Variants in CPTP observed in about 807,000 individuals in gnomAD.
CPTP encodes GLTP domain-containing protein 1.
A neutral mutation model predicts 5.7 loss-of-function variants in CPTP; 5 were observed. The ratio of observed to expected loss-of-function variants is 0.88; its 90% CI spans 0.46 to 1.86. The LOEUF (loss-of-function observed/expected upper bound fraction) is 1.86. Ranked by LOEUF, CPTP falls within the 40% of genes most tolerant of loss-of-function variation. The probability of loss-of-function intolerance (pLI) is 0.01; values close to 1 mark genes in which losing one functional copy is unlikely to be tolerated. For synonymous variants in CPTP, 166 were observed against 142.7 expected (o/e 1.16, Z -1.16); for missense variants, 335 against 306.5 (o/e 1.09, Z -0.69).
rs1643367067 is a variant in CPTP at position 1,328,869 on chromosome 1, C to G, written c.*1106C>G. 1 of 152,294 alleles carries G rather than the reference C, an allele frequency of 6.6e-6. No homozygotes were observed. Among genetic ancestry groups the G allele is most frequent in the Non-Finnish European group, 1.5e-5 (1 of 68,054 alleles). The allele number at this position is 152,294 out of a possible 1,614,324, so 9.4% of individuals were successfully genotyped here. ...CTTCCAACGTTAATAAATCACACAGCCTCCCAGGAGGGAGACGCTGGGGTG... is the reference window on the plus strand; with the variant it reads ...CTTCCAACGTTAATAAATCACACAGGCTCCCAGGAGGGAGACGCTGGGGTG... On this transcript the variant is annotated 3_prime_UTR_variant, in exon 3 of 3. Coordinates refer to ENST00000343938, the MANE Select transcript of CPTP (RefSeq NM_001029885.2).
rs767970546 is a variant in CPTP at position 1,327,516 on chromosome 1, G to A, written c.398G>A (p.Arg133His). The change falls in exon 3 of 3, where the codon CGC (arginine) becomes CAC (histidine). Residue 133 changes from arginine (R) to histidine (H), a missense_variant. Coordinates refer to ENST00000343938, the MANE Select transcript of CPTP (RefSeq NM_001029885.2). ...CTGCGTACCAGCCCCGAGGACGCAC[G>A]CACCTCCGCGCTCTGCGCCGACTCC... is the stretch of plus-strand genomic sequence containing the variant. ...EGLRTSPEDARTSALCADSYN... is the reference protein window; with the variant it reads ...EGLRTSPEDAHTSALCADSYN... 5.7e-6 allele frequency: 9 copies of A among 1,577,590 alleles called. No individual in the cohort carries two copies. Among genetic ancestry groups the A allele is most frequent in the South Asian group, 1.1e-5 (1 of 88,126 alleles).
chr1:1,327,408 G>A lies in CPTP; in HGVS notation c.290G>A (p.Arg97His), dbSNP rs775657160. ...AACCGGCTGGTGGACCTGGAGCGCC[G>A]CTCCCACCACCCGGAGTCTGGCTGC... ...LSNRLVDLER[R>H]SHHPESGCRT... is the part of the protein sequence containing the mutation. Residue 97 changes from arginine to histidine, a missense_variant, in exon 3 of 3, where the codon CGC becomes CAC. By Grantham distance (29) the Arg-to-His change is conservative (BLOSUM62 0). Transcript: ENST00000343938. 25 of 1,591,920 alleles carry A rather than the reference G, an allele frequency of 1.6e-5. No homozygotes were observed. Among genetic ancestry groups the A allele is most frequent in the African/African-American group, 4.0e-5 (3 of 74,728 alleles).
At chr1:1,326,363 G>C (rs1643304056) in intron 1 of CPTP, among the ~76,000 whole-genome samples, 1 of 150,498 alleles carries the variant, frequency 6.6e-6, no homozygotes, top group Non-Finnish European at 1.5e-5. Flanking sequence ...TCTTGTCTAG[G>C]ACTTCAGAAC....
Position 1,328,039 on chromosome 1 carries a change from C to T in CPTP, c.*276C>T, listed in dbSNP as rs924621374. ...TGCGCAGCCAGGCCTCGCCAGGGTG[C>T]GGTGCAGAGCAGAGCAGGCAGGGGT... is the stretch of plus-strand genomic sequence containing the variant. On this transcript the variant is annotated 3_prime_UTR_variant, in exon 3 of 3. Transcript: ENST00000343938. 1.7e-5 allele frequency: 9 copies of T among 528,472 alleles called. No individual in the cohort carries two copies. Among genetic ancestry groups the T allele is most frequent in the Middle Eastern group, 5.0e-4 (1 of 1,984 alleles). The allele number at this position is 528,472 out of a possible 1,614,324, so 32.7% of individuals were successfully genotyped here. A position where few individuals can be genotyped will look rare whatever the true frequency, so the allele number is the denominator to read the frequency against.
Position 1,328,353 on chromosome 1 carries a change from C to G in CPTP, c.*590C>G, listed in dbSNP as rs977993969. The G allele has an allele frequency of 6.4e-6, 1 of 156,398 alleles. No individual in the cohort carries two copies. The highest frequency in any genetic ancestry group is 1.4e-5 in the Non-Finnish European group (1 of 70,994). 9.7% of individuals were successfully genotyped at this position (156,398 alleles called of 1,614,324 possible). A position where few individuals can be genotyped will look rare whatever the true frequency, so the allele number is the denominator to read the frequency against. On this transcript the variant is annotated 3_prime_UTR_variant, in exon 3 of 3. Transcript: ENST00000343938. ...CCCGCCTCTCCTGCCTTGTTTGCCCCTCAGCGTGCCAGGCAGACTGGGGGC... is the reference window on the plus strand; with the variant it reads ...CCCGCCTCTCCTGCCTTGTTTGCCCGTCAGCGTGCCAGGCAGACTGGGGGC...
rs1457456585 is a variant in CPTP, at chr1:1,327,438, C to G, written c.320C>G (p.Thr107Arg). 1.3e-6 allele frequency: 2 copies of G among 1,580,224 alleles called. No individual in the cohort carries two copies. The highest frequency in any genetic ancestry group is 1.1e-5 in the South Asian group (1 of 88,818). Residue 107 changes from threonine (T) to arginine (R), a missense_variant, in exon 3 of 3, where the codon ACG (threonine) becomes AGG (arginine). Thr to Arg is a moderately conservative substitution (Grantham distance 71). Coordinates refer to ENST00000343938, the MANE Select transcript of CPTP (RefSeq NM_001029885.2). ...CACCACCCGGAGTCTGGCTGCCGGA[C>G]GGTGCTGCGCCTGCACCGCGCCCTG... ...RSHHPESGCRTVLRLHRALHW... is the reference protein window; with the variant it reads ...RSHHPESGCRRVLRLHRALHW...
rs1003003262 is a variant in CPTP, at chr1:1,324,823, G to C, written c.-355G>C. ...GGACGGGGCCCGCACGGCGGCTACGGCCTAGGTGAGCGGCTCGGACTCGGC... is the reference window on the plus strand; with the variant it reads ...GGACGGGGCCCGCACGGCGGCTACGCCCTAGGTGAGCGGCTCGGACTCGGC... On this transcript the variant is annotated 5_prime_UTR_variant, in exon 1 of 3. Coordinates refer to ENST00000343938, the MANE Select transcript of CPTP (RefSeq NM_001029885.2). 6.0e-6 allele frequency: 3 copies of C among 499,038 alleles called. No individual in the cohort carries two copies. The highest frequency in any genetic ancestry group is 4.3e-5 in the African/African-American group (2 of 46,900). The allele number at this position is 499,038 out of a possible 1,614,324, so 30.9% of individuals were successfully genotyped here.
Position 1,327,623 on chromosome 1 carries a change from G to A in CPTP, c.505G>A (p.Glu169Lys), listed in dbSNP as rs756033489. The A allele has an allele frequency of 3.0e-5, 48 of 1,612,318 alleles. No individual in the cohort carries two copies. Among genetic ancestry groups the A allele is most frequent in the Non-Finnish European group, 7.6e-6 (9 of 1,179,818 alleles). Residue 169 changes from glutamate (E) to lysine (K), a missense_variant, in exon 3 of 3, where the codon GAG becomes AAG. Coordinates refer to ENST00000343938, the MANE Select transcript of CPTP (RefSeq NM_001029885.2). The stretch of plus-strand genomic sequence containing the variant: ...GGCCTTCTGCACGCTGCCCACACGC[G>A]AGGTCTTCCTGGAGGCCATGAACGT... ...TVAFCTLPTREVFLEAMNVGP... is the reference protein window; with the variant it reads ...TVAFCTLPTRKVFLEAMNVGP...
rs1643361425 is a variant in CPTP, at chr1:1,328,549, C to G, written c.*786C>G. The stretch of plus-strand genomic sequence containing the variant: ...CACAGCCCAGCCCAGCCCAAGGCCC[C>G]CAGGAGCTGGGACTCTGCTACACCC... On this transcript the variant is annotated 3_prime_UTR_variant, in exon 3 of 3. Transcript: ENST00000343938. The G allele has an allele frequency of 6.5e-6, 1 of 152,880 alleles. No individual in the cohort carries two copies. Among genetic ancestry groups the G allele is most frequent in the Non-Finnish European group, 1.5e-5 (1 of 68,408 alleles). The allele number at this position is 152,880 out of a possible 1,614,324, so 9.5% of individuals were successfully genotyped here.
chr1:1,327,319 C>G lies in CPTP; in HGVS notation c.201C>G (p.Leu67=), dbSNP rs1198156865. 3.8e-6 allele frequency: 6 copies of G among 1,597,994 alleles called. No individual in the cohort carries two copies. In the African/African-American group the frequency reaches 6.7e-5, roughly 18 times the overall value. ...CCAAGCTGCGGATCATGGAGCGCCT[C>G]AGGGGCGGCCCGCAGAGCGAGCACT... The part of the protein sequence containing the change: ...VVSKLRIMER[L]RGGPQSEHYR... Residue 67 remains leucine, a synonymous_variant, in exon 3 of 3, where the codon CTC becomes CTG. Transcript: ENST00000343938.
Position 1,328,011 on chromosome 1 carries a change from G to C in CPTP, c.*248G>C. The C allele has an allele frequency of 1.7e-6, 1 of 576,182 alleles. No individual in the cohort carries two copies. Among genetic ancestry groups the C allele is most frequent in the South Asian group, 2.1e-5 (1 of 46,874 alleles). 35.7% of individuals were successfully genotyped at this position (576,182 alleles called of 1,614,324 possible). A position where few individuals can be genotyped will look rare whatever the true frequency, so the allele number is the denominator to read the frequency against. The stretch of plus-strand genomic sequence containing the variant: ...ACGGCTCCCCCTCGGCCTATTACAC[G>C]CGTGCGCAGCCAGGCCTCGCCAGGG... On this transcript the variant is annotated 3_prime_UTR_variant, in exon 3 of 3. Transcript: ENST00000343938.
At position 1,327,374 on chromosome 1, in the gene CPTP, G is replaced by T. The variant is rs752206526; in HGVS notation, c.256G>T (p.Glu86Ter). Residue 86 changes from glutamate to a stop codon, truncating the protein, a stop_gained, in exon 3 of 3, where the codon GAG (glutamate) becomes TAG (stop). Coordinates refer to ENST00000343938, the MANE Select transcript of CPTP (RefSeq NM_001029885.2). LOFTEE classifies it low-confidence loss of function (END_TRUNC). ...YRSLQAMVAH[E>*]LSNRLVDLER... ...CAGCCTGCAGGCCATGGTGGCCCAC[G>T]AGCTGAGCAACCGGCTGGTGGACCT... 2 of 1,597,892 alleles carry T rather than the reference G, an allele frequency of 1.3e-6. No homozygotes were observed. Among genetic ancestry groups the T allele is most frequent in the Non-Finnish European group, 1.7e-6 (2 of 1,178,628 alleles).
At chr1:1,326,426 C>T (rs1643306093) in intron 1 of CPTP, among the ~76,000 whole-genome samples, 2 of 152,184 alleles carry the variant, frequency 1.3e-5, no homozygotes, top group South Asian at 4.1e-4. Context: ...TCGCACTCCC[C>T]ATGCACCCAG....
chr1:1,325,300 C>T (rs1367682826), intron 1 of CPTP, 198 bp downstream of exon 1: 1 of 152,446 alleles, frequency 6.6e-6, no homozygotes, highest in African/African-American at 2.4e-5. Flanking sequence ...GGGTCACCTT[C>T]CTGGGCTGGC....
At position 1,327,791 on chromosome 1, in the gene CPTP, T is replaced by C; in HGVS notation, c.*28T>C. ...GCGGGAAGCCAGGGCCGCACCGGCT[T>C]TCCTGCTGCAGATCTGGGCTGCGGT... is the stretch of plus-strand genomic sequence containing the variant. On this transcript the variant is annotated 3_prime_UTR_variant, in exon 3 of 3. Coordinates refer to ENST00000343938, the MANE Select transcript of CPTP (RefSeq NM_001029885.2). 1.2e-6 allele frequency: 2 copies of C among 1,605,850 alleles called. No homozygotes were observed. Among genetic ancestry groups the C allele is most frequent in the Non-Finnish European group, 1.7e-6 (2 of 1,178,998 alleles).
In CPTP at chr1:1,327,223, C is replaced by A. The variant is rs530521138; in HGVS notation, c.123-18C>A. 1 of 1,594,112 alleles carries A rather than the reference C, an allele frequency of 6.3e-7. No homozygotes were observed. Among genetic ancestry groups the A allele is most frequent in the African/African-American group, 1.3e-5 (1 of 74,716 alleles). ...CCCCAGGCCTGGGCGAGGACTCGAG[C>A]CCCGCTCCCTTCCACAGGTTTCTGA... On this transcript the variant is annotated intron_variant, in intron 2 of 2. Coordinates refer to ENST00000343938, the MANE Select transcript of CPTP (RefSeq NM_001029885.2).
intron 1 of CPTP, 39 bp from the exon 2 acceptor site, chr1:1,326,797 C>T: frequency 7.3e-7 from 1 of 1,378,236 alleles, no homozygotes; most frequent in Non-Finnish European, 1.0e-6. Flanking sequence ...CAGTGAGCGG[C>T]AATGGGATCG....
In CPTP at chr1:1,327,149, T is replaced by C. The variant is rs1643324662; in HGVS notation, c.123-92T>C. On this transcript the variant is annotated intron_variant, in intron 2 of 2. Transcript: ENST00000343938. Reference sequence around the variant, plus strand: ...GCTTTGCTGCCCGTTTCCAGATGGGTGTGAGCCCCCGCAGGCTGGGCAGCG... The same window carrying C: ...GCTTTGCTGCCCGTTTCCAGATGGGCGTGAGCCCCCGCAGGCTGGGCAGCG... The C allele has an allele frequency of 1.8e-5, 28 of 1,585,858 alleles. No individual in the cohort carries two copies. In the South Asian group the frequency reaches 3.0e-4, roughly 17 times the overall value.
Position 1,327,423 on chromosome 1 carries a change from A to C in CPTP, c.305A>C (p.Glu102Ala), listed in dbSNP as rs766146080. The C allele has an allele frequency of 4.4e-6, 7 of 1,588,400 alleles. No individual in the cohort carries two copies. Among genetic ancestry groups the C allele is most frequent in the Middle Eastern group, 1.7e-4 (1 of 6,034 alleles). Residue 102 changes from glutamate (E) to alanine (A), a missense_variant, in exon 3 of 3, where the codon GAG (glutamate) becomes GCG (alanine). Coordinates refer to ENST00000343938, the MANE Select transcript of CPTP (RefSeq NM_001029885.2). ...CTGGAGCGCCGCTCCCACCACCCGG[A>C]GTCTGGCTGCCGGACGGTGCTGCGC... ...VDLERRSHHP[E>A]SGCRTVLRLH...
Sources: gnomAD v4.1 joint callset for allele counts (sites outside exome capture counted in the v4.1 genomes callset) on GRCh38, gnomAD v4.1.1 for gene constraint, MANE v1.5 for transcripts, NCBI Gene and HGNC (gene_info 2026-07-23, HGNC 2026-07-21) for gene names.